Variants in CNTN6 observed in about 807,000 individuals in gnomAD.
CNTN6 encodes the protein contactin 6, also known as contactin-6.
CNTN6 carries 137 observed loss-of-function variants against 122.8 expected under a neutral mutation model. The observed-to-expected ratio is 1.12, with a 90% CI of 0.97 to 1.29. The LOEUF (loss-of-function observed/expected upper bound fraction) is 1.29, where lower values mean the gene tolerates loss of function less well. Ranked by LOEUF, CNTN6 falls within the 50% of genes most tolerant of loss-of-function variation. The probability of loss-of-function intolerance (pLI) is 0.00; values close to 1 mark genes in which losing one functional copy is unlikely to be tolerated. For synonymous variants in CNTN6, 570 were observed against 426.0 expected, an observed-to-expected ratio of 1.34 and a Z score of -4.16; for missense variants, 1,634 against 1,223.4, an observed-to-expected ratio of 1.34 and a Z score of -5.01.
chr3:1,320,483 C>T (rs1427712968), intron 7 of CNTN6, among the ~76,000 whole-genome samples: 3 of 151,692 alleles, frequency 2.0e-5, no homozygotes, highest in Non-Finnish European at 4.4e-5. Context: ...AAGCACTTTG[C>T]ATGTAGTTGG....
At chr3:1,104,747 G>A (rs941127591) in intron 1 of CNTN6, among the ~76,000 whole-genome samples, 6 of 152,048 alleles carry the variant, frequency 3.9e-5, no homozygotes, top group Non-Finnish European at 8.8e-5. Context: ...GTATATGTGT[G>A]TACGTGTGTG....
chr3:1,332,570 GAA>G (rs1435989393), intron 11 of CNTN6, among the ~76,000 whole-genome samples: 2 of 151,398 alleles, frequency 1.3e-5, no homozygotes, highest in Admixed American at 6.6e-5. Context: ...GGGAAAGAAA[GAA>G]AGAGAGAGAG....
intron 2 of CNTN6, among the ~76,000 whole-genome samples, chr3:1,208,425 T>C (rs569732277): frequency 6.6e-6 from 1 of 152,264 alleles, no homozygotes; most frequent in Non-Finnish European, 1.5e-5. Context: ...CCATTCTTAT[T>C]TTCATTCTTT....
intron 12 of CNTN6, among the ~76,000 whole-genome samples, chr3:1,355,848 T>A (rs1466593788): frequency 1.3e-5 from 2 of 151,798 alleles, no homozygotes; most frequent in Non-Finnish European, 2.9e-5. Context: ...GTGAGATATT[T>A]TCCAGCTTAG....
chr3:1,121,078 A>G (rs77218891), intron 1 of CNTN6, among the ~76,000 whole-genome samples: 4,745 of 106,842 alleles, frequency 0.044, no homozygotes, highest in South Asian at 0.06. Flanking sequence ...TAATATAGAA[A>G]GTAAATTAAT....
chr3:1,116,698 CTTTTTT>C (rs10594022), intron 1 of CNTN6, among the ~76,000 whole-genome samples: 2 of 71,746 alleles, frequency 2.8e-5, no homozygotes, highest in Non-Finnish European at 2.7e-5. Context: ...GTCATCAAAT[CTTTTTT>C]TTTTTTTTTT....
rs768073968 is a variant in CNTN6 at position 1,372,835 on chromosome 3, C to A, written c.1669-3C>A. On this transcript the variant is annotated splice_region_variant and splice_polypyrimidine_tract_variant and intron_variant, in intron 13 of 22. Transcript: ENST00000446702. Reference sequence around the variant, plus strand: ...TTATCCATTTCTCCCTTTCTGTCTGCAGGAATCTGTTGGGGATTTGATGAT... The same window carrying A: ...TTATCCATTTCTCCCTTTCTGTCTGAAGGAATCTGTTGGGGATTTGATGAT... 6 of 1,554,350 alleles carry A rather than the reference C, an allele frequency of 3.9e-6. No individual in the cohort carries two copies. The highest frequency in any genetic ancestry group is 2.3e-5 in the South Asian group (2 of 87,772).
chr3:1,330,699 G>A (rs958352480), intron 11 of CNTN6, among the ~76,000 whole-genome samples: 18 of 151,782 alleles, frequency 1.2e-4, no homozygotes, highest in Admixed American at 3.3e-4. Context: ...CGTTCAATGA[G>A]CTCTTCTTCA....
Position 1,146,935 on chromosome 3 carries a change from T to C in CNTN6, c.-82-992T>C, listed in dbSNP as rs143861507. The stretch of plus-strand genomic sequence containing the variant: ...CCCTGAATATTGTTTATTTTTCCTG[T>C]GATTTTTATCCTTTGATTAAATTTG... On this transcript the variant is annotated intron_variant, in intron 1 of 22. Transcript: ENST00000446702. Among the ~76,000 whole-genome samples the C allele has an allele frequency of 6.5e-3, 983 of 152,262 alleles. 10 individuals carry two copies. Among genetic ancestry groups the C allele is most frequent in the African/African-American group, 0.022 (933 of 41,572 alleles).
At chr3:1,155,659 T>C (rs1233233832) in intron 2 of CNTN6, among the ~76,000 whole-genome samples, 1 of 152,228 alleles carries the variant, frequency 6.6e-6, no homozygotes, top group Admixed American at 6.5e-5. Context: ...TATTACTGGG[T>C]AGCAAATACA....
chr3:1,171,016 A>C (rs1166428163), intron 2 of CNTN6, among the ~76,000 whole-genome samples: 7 of 152,214 alleles, frequency 4.6e-5, no homozygotes. Flanking sequence ...GGTAGTGCCA[A>C]TAGTTGCTTT....
chr3:1,381,652 T>C (rs1033029554), intron 17 of CNTN6, among the ~76,000 whole-genome samples: 3 of 152,120 alleles, frequency 2.0e-5, no homozygotes, highest in Admixed American at 6.6e-5. Context: ...TTCCTCCCAT[T>C]TCCTTTACTT....
chr3:1,216,598 A>C (rs2094134014), intron 2 of CNTN6, among the ~76,000 whole-genome samples: 1 of 152,220 alleles, frequency 6.6e-6, no homozygotes, highest in Admixed American at 6.5e-5. Context: ...AATATATGAC[A>C]TAGCATCCTC....
intron 1 of CNTN6, among the ~76,000 whole-genome samples, chr3:1,123,987 C>G (rs938060532): frequency 1.3e-5 from 2 of 151,844 alleles, no homozygotes; most frequent in Non-Finnish European, 2.9e-5. Context: ...TGGGGTATTC[C>G]TCTGATTGTT....
chr3:1,202,407 G>T (rs995191460), intron 2 of CNTN6, among the ~76,000 whole-genome samples: 1 of 149,246 alleles, frequency 6.7e-6, no homozygotes, highest in African/African-American at 2.5e-5. Context: ...GGGCGTGGTG[G>T]CGGGCGCCTG....
chr3:1,384,796 T>TATATATATATAC (rs1224742660), intron 19 of CNTN6, among the ~76,000 whole-genome samples: 2 of 133,788 alleles, frequency 1.5e-5, no homozygotes, highest in African/African-American at 5.7e-5. Context: ...TATATATATA[T>TATATATATATAC]ACACACACAC....
chr3:1,381,872 G>A (rs3843009), intron 17 of CNTN6, among the ~76,000 whole-genome samples: 21,009 of 152,058 alleles, frequency 0.14, 1,572 homozygotes, highest in Non-Finnish European at 0.17. Flanking sequence ...GTTAGTCACC[G>A]TAGAGTACAG....
intron 2 of CNTN6, among the ~76,000 whole-genome samples, chr3:1,199,416 G>C (rs572268379): frequency 1.5e-3 from 235 of 152,060 alleles, no homozygotes; most frequent in Non-Finnish European, 2.8e-3. Flanking sequence ...CTAGGCTCAA[G>C]CAGTCCCCCC....
At chr3:1,293,843 C>CA (rs1695742984) in intron 5 of CNTN6, among the ~76,000 whole-genome samples, 1 of 152,170 alleles carries the variant, frequency 6.6e-6, no homozygotes. Flanking sequence ...TACCTAGTTT[C>CA]CGCAGTACAC....
Sources: allele counts gnomAD v4.1 joint callset (sites outside exome capture counted in the v4.1 genomes callset), GRCh38; gene constraint gnomAD v4.1.1; transcripts MANE v1.5; gene names NCBI Gene and HGNC (gene_info 2026-07-23, HGNC 2026-07-21).